YES1: variants seen among roughly 807,000 people sequenced by gnomAD.
The protein encoded by YES1 is tyrosine-protein kinase Yes.
Under a neutral mutation model 70.4 loss-of-function variants are expected in YES1, and 39 were observed. That is an observed-to-expected ratio of 0.55 (90% confidence interval 0.43 to 0.72). YES1 has a LOEUF of 0.72. Among genes scored for constraint, YES1 ranks in the 30% least tolerant of loss-of-function variants. The pLI, the probability that YES1 is intolerant of heterozygous loss-of-function variation, is 0.00. For missense variants in YES1, 495 were observed against 644.8 expected (o/e 0.77, Z 2.52); for synonymous variants, 198 against 218.6 (o/e 0.91, Z 0.83).
chr18:768,678 C>A (rs1220819530), intron 1 of YES1, among the ~76,000 whole-genome samples: 1 of 151,940 alleles, frequency 6.6e-6, no homozygotes, highest in Non-Finnish European at 1.5e-5. Flanking sequence ...CATACCTTTT[C>A]TATGTTTAGA....
Position 736,921 on chromosome 18 carries a change from A to AT in YES1, c.1177dup (p.Ile393AsnfsTer9). The AT allele has an allele frequency of 1.2e-6, 2 of 1,611,644 alleles. No homozygotes were observed. The highest frequency in any genetic ancestry group is 1.7e-6 in the Non-Finnish European group (2 of 1,179,978). On this transcript the variant is annotated frameshift_variant, in exon 10 of 12. Transcript: ENST00000314574. LOFTEE classifies it high-confidence loss of function. ...ATTAGCAGCCCGAAGATCTCGGTGA[A>AT]TATAGTTCATTCTTTCAATATATGC...
chr18:796,228 G>A lies in YES1; in HGVS notation c.-9+15886C>T, dbSNP rs571847488. ...CATGGTTAAGGGTATAGGCTCTGGA[G>A]TCACAAAGTTAGGTTACAGTCCTAG... On this transcript the variant is annotated intron_variant, in intron 1 of 11. Coordinates refer to ENST00000314574, the MANE Select transcript of YES1 (RefSeq NM_005433.4). Among the ~76,000 whole-genome samples, 135 of 152,264 alleles carry A rather than the reference G, an allele frequency of 8.9e-4. 1 individual carries two copies. The highest frequency in any genetic ancestry group is 3.2e-3 in the African/African-American group (132 of 41,554).
intron 1 of YES1, among the ~76,000 whole-genome samples, chr18:763,478 T>C (rs1397019376): frequency 6.6e-6 from 1 of 151,958 alleles, no homozygotes; most frequent in Non-Finnish European, 1.5e-5. Flanking sequence ...AAAGATTGCT[T>C]GAGCCTAGAA....
At chr18:756,882 A>G in intron 1 of YES1, 47 bp from the exon 2 acceptor site, 1 of 1,526,538 alleles carries the variant, frequency 6.6e-7, no homozygotes, top group Non-Finnish European at 8.8e-7. Flanking sequence ...CACACAGGAT[A>G]CTTCAAAAAG....
At chr18:760,136 T>A (rs1171511476) in intron 1 of YES1, among the ~76,000 whole-genome samples, 1 of 152,012 alleles carries the variant, frequency 6.6e-6, no homozygotes, top group Non-Finnish European at 1.5e-5. Flanking sequence ...TGGTTCCAAG[T>A]CTTTGTTATT....
At chr18:760,572 T>C (rs1323551664) in intron 1 of YES1, among the ~76,000 whole-genome samples, 1 of 152,210 alleles carries the variant, frequency 6.6e-6, no homozygotes, top group Non-Finnish European at 1.5e-5. Context: ...TTTTATATCA[T>C]GGACTTGAGC....
chr18:794,845 C>T (rs771015036), intron 1 of YES1, among the ~76,000 whole-genome samples: 1 of 152,200 alleles, frequency 6.6e-6, no homozygotes, highest in Non-Finnish European at 1.5e-5. Flanking sequence ...GAGACGGAGT[C>T]TCACTCTGTC....
chr18:727,959 G>A (rs565697035), intron 11 of YES1, among the ~76,000 whole-genome samples: 2 of 152,074 alleles, frequency 1.3e-5, no homozygotes, highest in Admixed American at 6.6e-5. Context: ...AAGTGTTTCC[G>A]ATTTTGGATT....
chr18:732,177 G>A (rs181235730), intron 11 of YES1, among the ~76,000 whole-genome samples: 2,717 of 152,032 alleles, frequency 0.018, 71 homozygotes, highest in African/African-American at 0.062. Flanking sequence ...GGTGGCTCAC[G>A]CCTGTAATCC....
chr18:735,818 T>G (rs1483745497), intron 10 of YES1: 1 of 151,924 alleles, frequency 6.6e-6, no homozygotes, highest in African/African-American at 2.4e-5. Flanking sequence ...TCCCAAAAAC[T>G]ATTGAAAAAA....
intron 1 of YES1, among the ~76,000 whole-genome samples, chr18:771,670 T>A (rs1905163805): frequency 6.6e-6 from 1 of 151,990 alleles, no homozygotes. Flanking sequence ...CACCTCAGCC[T>A]CTCTAGTAGC....
At chr18:783,023 A>C (rs1905753042) in intron 1 of YES1, among the ~76,000 whole-genome samples, 1 of 151,366 alleles carries the variant, frequency 6.6e-6, no homozygotes, top group African/African-American at 2.4e-5. Context: ...TGCTGCAAAC[A>C]GACTACAAAG....
At chr18:733,103 G>A in intron 10 of YES1, 138 bp from the exon 11 acceptor site, 1 of 692,462 alleles carries the variant, frequency 1.4e-6, no homozygotes, top group Admixed American at 3.0e-5. Context: ...CAAGATACAT[G>A]GGATAAAAAT....
intron 11 of YES1, among the ~76,000 whole-genome samples, chr18:732,284 C>CA (rs2080099487): frequency 6.6e-6 from 1 of 151,368 alleles, no homozygotes; most frequent in Admixed American, 6.6e-5. Context: ...ACTAAAAATA[C>CA]AAAAAATTAG....
In YES1 at chr18:761,197, C is replaced by G. The variant is rs563645300; in HGVS notation, c.-8-4362G>C. Reference sequence around the variant, plus strand: ...CTGGGAGGGGGAAAGGTCTACTGTTCCCCACCCCACTTTCTGTCAGGGCCA... The same window carrying G: ...CTGGGAGGGGGAAAGGTCTACTGTTGCCCACCCCACTTTCTGTCAGGGCCA... On this transcript the variant is annotated intron_variant, in intron 1 of 11. Transcript: ENST00000314574. 1.6e-4 allele frequency among the ~76,000 whole-genome samples: 25 copies of G among 151,610 alleles called. 1 individual carries two copies. Among genetic ancestry groups the G allele is most frequent in the South Asian group, 1.0e-3 (5 of 4,780 alleles).
chr18:797,343 GA>G, intron 1 of YES1, among the ~76,000 whole-genome samples: 1 of 151,702 alleles, frequency 6.6e-6, no homozygotes, highest in South Asian at 2.1e-4. Flanking sequence ...AAAAAACTGG[GA>G]AAATATAGAA....
intron 1 of YES1, among the ~76,000 whole-genome samples, chr18:769,460 C>T (rs1314662372): frequency 6.6e-6 from 1 of 152,112 alleles, no homozygotes; most frequent in African/African-American, 2.4e-5. Flanking sequence ...AGTGCAATGT[C>T]GAACACAAGT....
chr18:777,362 CCAGA>C (rs1206770712), intron 1 of YES1, among the ~76,000 whole-genome samples: 1 of 152,170 alleles, frequency 6.6e-6, no homozygotes, highest in Non-Finnish European at 1.5e-5. Context: ...CAACAACCTG[CCAGA>C]CATTTATATT....
intron 1 of YES1, among the ~76,000 whole-genome samples, chr18:763,477 T>C (rs542819587): frequency 6.6e-6 from 1 of 152,090 alleles, no homozygotes; most frequent in East Asian, 1.9e-4. Flanking sequence ...GAAAGATTGC[T>C]TGAGCCTAGA....
Sources: allele counts gnomAD v4.1 joint callset (sites outside exome capture counted in the v4.1 genomes callset), GRCh38; gene constraint gnomAD v4.1.1; transcripts MANE v1.5; gene names NCBI Gene and HGNC (gene_info 2026-07-23, HGNC 2026-07-21).